The following RBFOX1 variants were observed in gnomAD, a reference collection of about 807,000 sequenced individuals.
The protein encoded by RBFOX1 is RNA binding protein fox-1 homolog 1.
A neutral mutation model predicts 57.7 loss-of-function variants in RBFOX1; 8 were observed. That is an observed-to-expected ratio of 0.14 (90% CI 0.08 to 0.25). RBFOX1 has a LOEUF of 0.25. Ranked by LOEUF, RBFOX1 falls within the 10% of genes least tolerant of loss-of-function variation. The pLI is 1.00. For missense variants in RBFOX1, 611 were observed against 548.5 expected (o/e 1.11, Z -1.14); for synonymous variants, 326 against 222.4 (o/e 1.47, Z -4.15).
chr16:7,393,683 A>G (rs117229331), intron 4 of RBFOX1, among the ~76,000 whole-genome samples: 4,721 of 152,126 alleles, frequency 0.031, 89 homozygotes, highest in Non-Finnish European at 0.043. Context: ...TGTGCCAAGG[A>G]TTATTTCACT....
intron 3 of RBFOX1, among the ~76,000 whole-genome samples, chr16:5,733,530 A>C (rs1454277441): frequency 6.6e-6 from 1 of 152,012 alleles, no homozygotes; most frequent in East Asian, 1.9e-4. Context: ...TATTTACGTG[A>C]CCTTGGCCAG....
Position 7,213,816 on chromosome 16 carries a change from T to C in RBFOX1, c.27+161718T>C, listed in dbSNP as rs78263810. On this transcript the variant is annotated intron_variant, in intron 4 of 15. Transcript: ENST00000550418. The stretch of plus-strand genomic sequence containing the variant: ...TAATGTCAAAGCCAGTTATTCTTAA[T>C]AGACTTCTCTGATGGATGAGGGTTG... 2.2e-3 allele frequency among the ~76,000 whole-genome samples: 333 copies of C among 152,262 alleles called. 3 individuals are homozygous for C. The highest frequency in any genetic ancestry group is 7.6e-3 in the African/African-American group (317 of 41,540).
At chr16:6,246,789 C>T (rs992693887) in intron 1 of RBFOX1, among the ~76,000 whole-genome samples, 43 of 152,302 alleles carry the variant, frequency 2.8e-4, no homozygotes, top group African/African-American at 9.4e-4. Flanking sequence ...CCATTGTAGG[C>T]TGGGCATTGT....
intron 4 of RBFOX1, among the ~76,000 whole-genome samples, chr16:5,971,415 A>C (rs1031471978): frequency 6.6e-6 from 1 of 152,196 alleles, no homozygotes. Context: ...AGATCTCAGG[A>C]GGTTTCAAGG....
At chr16:6,232,268 C>T (rs1450965418) in intron 1 of RBFOX1, among the ~76,000 whole-genome samples, 1 of 152,178 alleles carries the variant, frequency 6.6e-6, no homozygotes, top group African/African-American at 2.4e-5. Context: ...CAGGAGGGAC[C>T]TCATCTCTGC....
chr16:5,937,609 T>C (rs906975477), intron 4 of RBFOX1, among the ~76,000 whole-genome samples: 1 of 150,598 alleles, frequency 6.6e-6, no homozygotes, highest in South Asian at 2.1e-4. Flanking sequence ...TTTATATATA[T>C]AGCTACATAT....
At chr16:5,950,974 C>G (rs2059508148) in intron 4 of RBFOX1, among the ~76,000 whole-genome samples, 1 of 152,090 alleles carries the variant, frequency 6.6e-6, no homozygotes. Flanking sequence ...GTGTTCAGCT[C>G]AGGACTTCTC....
At position 5,709,765 on chromosome 16, in the gene RBFOX1, A is replaced by G. The variant is rs549629083; in HGVS notation, c.318+110804A>G. Among the ~76,000 whole-genome samples the G allele has an allele frequency of 4.0e-5, 5 of 126,466 alleles. No individual in the cohort carries two copies. The Admixed American group carries it at 4.2e-4, about 11-fold the overall frequency. 83.0% of individuals were successfully genotyped at this position (126,466 alleles called of 152,430 possible). A position where few individuals can be genotyped will look rare whatever the true frequency, so the allele number is the denominator to read the frequency against. ...TGAGATCTTTACACCAATATCTCCC[A>G]TTTATGAAGCCACTGTAATCTACTG... On this transcript the variant is annotated intron_variant, in intron 3 of 19. Transcript: ENST00000641259.
intron 1 of RBFOX1, among the ~76,000 whole-genome samples, chr16:6,127,398 C>G (rs895901044): frequency 1.3e-5 from 2 of 151,762 alleles, no homozygotes; most frequent in African/African-American, 4.8e-5. Flanking sequence ...TCATGTGGAC[C>G]TTTTAATTCA....
At chr16:7,125,728 T>A (rs1376982892) in intron 4 of RBFOX1, among the ~76,000 whole-genome samples, 1 of 152,190 alleles carries the variant, frequency 6.6e-6, no homozygotes, top group Non-Finnish European at 1.5e-5. Flanking sequence ...AAACTCCCTT[T>A]GTTTCACACA....
intron 3 of RBFOX1, among the ~76,000 whole-genome samples, chr16:6,694,456 G>C (rs2060719008): frequency 6.6e-6 from 1 of 152,198 alleles, no homozygotes. Context: ...TGGATATAAA[G>C]AGGGAAATGA....
chr16:5,378,400 C>T (rs1403809825), intron 1 of RBFOX1, among the ~76,000 whole-genome samples: 2 of 151,572 alleles, frequency 1.3e-5, no homozygotes, highest in Non-Finnish European at 2.9e-5. Context: ...CCCAGCCCGC[C>T]CAGGATCGGG....
At chr16:6,867,672 G>T (rs2060176161) in intron 3 of RBFOX1, among the ~76,000 whole-genome samples, 1 of 152,104 alleles carries the variant, frequency 6.6e-6, no homozygotes, top group Admixed American at 6.5e-5. Flanking sequence ...TGAGTGCCGA[G>T]ATTGCCTGGG....
chr16:7,066,268 T>G (rs979392440), intron 4 of RBFOX1, among the ~76,000 whole-genome samples: 42 of 152,212 alleles, frequency 2.8e-4, no homozygotes, highest in African/African-American at 9.6e-4. Flanking sequence ...TTCACTTGTT[T>G]TGACAAACAT....
At chr16:7,204,146 T>A (rs1217103720) in intron 4 of RBFOX1, among the ~76,000 whole-genome samples, 1 of 152,240 alleles carries the variant, frequency 6.6e-6, no homozygotes, top group Non-Finnish European at 1.5e-5. Flanking sequence ...TGCAGATACC[T>A]GCCAGAAGGC....
At chr16:5,709,227 C>A (rs988734222) in intron 3 of RBFOX1, among the ~76,000 whole-genome samples, 3 of 152,154 alleles carry the variant, frequency 2.0e-5, no homozygotes, top group African/African-American at 7.2e-5. Context: ...TTTGTGTAAT[C>A]AGTGCCATGG....
At chr16:5,996,171 A>G (rs1461126207) in intron 4 of RBFOX1, among the ~76,000 whole-genome samples, 1 of 152,076 alleles carries the variant, frequency 6.6e-6, no homozygotes, top group Non-Finnish European at 1.5e-5. Flanking sequence ...GGGCACATAA[A>G]CATTCAGACC....
chr16:7,041,051 G>T (rs2045991293), intron 3 of RBFOX1, among the ~76,000 whole-genome samples: 1 of 149,760 alleles, frequency 6.7e-6, no homozygotes, highest in Non-Finnish European at 1.5e-5. Flanking sequence ...GAGTAGCTGG[G>T]ATTACAGGCA....
chr16:5,347,307 T>C (rs2065161395), intron 1 of RBFOX1, among the ~76,000 whole-genome samples: 1 of 152,184 alleles, frequency 6.6e-6, no homozygotes, highest in African/African-American at 2.4e-5. Context: ...TAGAAGTGTG[T>C]CTTACATACA....
Sources: allele counts gnomAD v4.1 joint callset (sites outside exome capture counted in the v4.1 genomes callset), GRCh38; gene constraint gnomAD v4.1.1; transcripts MANE v1.5; gene names NCBI Gene and HGNC (gene_info 2026-07-23, HGNC 2026-07-21).